Variants in RECK observed in about 807,000 individuals in gnomAD.
RECK encodes reversion-inducing cysteine-rich protein with Kazal motifs.
Under a neutral mutation model 115.1 loss-of-function variants are expected in RECK, and 69 were observed. The observed-to-expected ratio is 0.60, with a 90% CI of 0.49 to 0.73. The LOEUF is 0.73. Among genes scored for constraint, RECK ranks in the 30% least tolerant of loss-of-function variants. The pLI is 0.00. For missense variants in RECK, 1,047 were observed against 1,203.7 expected (o/e 0.87, Z 1.93); for synonymous variants, 414 against 419.7 (o/e 0.99, Z 0.17).
intron 2 of RECK, among the ~76,000 whole-genome samples, chr9:36,057,349 C>G (rs112127080): frequency 2.2e-3 from 333 of 152,258 alleles, no homozygotes; most frequent in Non-Finnish European, 3.8e-3. Flanking sequence ...TTCTCTCGCT[C>G]TCTAACCCCC....
intron 12 of RECK, among the ~76,000 whole-genome samples, chr9:36,102,649 C>G (rs925144400): frequency 1.3e-5 from 2 of 151,438 alleles, no homozygotes; most frequent in African/African-American, 4.9e-5. Context: ...ACTCACCCAA[C>G]AGGGTATAAA....
rs1193732839 is a variant in RECK at position 36,037,098 on chromosome 9, G to C, written c.100G>C (p.Gly34Arg). 1 of 1,327,296 alleles carries C rather than the reference G, an allele frequency of 7.5e-7. No individual in the cohort carries two copies. Among genetic ancestry groups the C allele is most frequent in the East Asian group, 3.1e-5 (1 of 31,958 alleles). 82.2% of individuals were successfully genotyped at this position (1,327,296 alleles called of 1,614,324 possible). A position where few individuals can be genotyped will look rare whatever the true frequency, so the allele number is the denominator to read the frequency against. Residue 34 changes from glycine to arginine, a missense_variant and splice_region_variant, in exon 1 of 21, where the codon GGT becomes CGT. Coordinates refer to ENST00000377966, the MANE Select transcript of RECK (RefSeq NM_021111.3). Reference protein sequence around the residue: ...VAGGLAPGSAGALCCNHSKDN... With the variant: ...VAGGLAPGSARALCCNHSKDN... ...AGGGGGCCTGGCTCCGGGCAGTGCG[G>C]GTGAGTAACCTCCAGAGCAACGGTT... is the stretch of plus-strand genomic sequence containing the variant.
At chr9:36,062,971 C>T (rs1564107468) in intron 4 of RECK, among the ~76,000 whole-genome samples, 1 of 151,812 alleles carries the variant, frequency 6.6e-6, no homozygotes, top group African/African-American at 2.4e-5. Context: ...CCCATCTCTA[C>T]TAAAAATACA....
Position 36,083,498 on chromosome 9 carries a change from T to A in RECK, c.573T>A (p.Ser191Arg). Residue 191 changes from serine (S) to arginine (R), a missense_variant, in exon 8 of 21, where the codon AGT becomes AGA. Physicochemically the swap from Ser to Arg is moderately radical, Grantham distance 110. Transcript: ENST00000377966. ...TGGAAAATTATTGCGCCTCTATTAG[T>A]CCACAATTAATACATTGTGTGAACA... ...KAVENYCASI[S>R]PQLIHCVNNY... 3.1e-6 allele frequency: 5 copies of A among 1,614,040 alleles called. No homozygotes were observed. The highest frequency in any genetic ancestry group is 4.2e-6 in the Non-Finnish European group (5 of 1,179,962).
chr9:36,121,384 G>A, intron 19 of RECK, 149 bp from the exon 20 acceptor site: 1 of 644,320 alleles, frequency 1.6e-6, no homozygotes, highest in Non-Finnish European at 2.6e-6. Context: ...TGGAGATTCA[G>A]AATTTGGCCT....
At chr9:36,098,476 T>C (rs994422384) in intron 10 of RECK, among the ~76,000 whole-genome samples, 4 of 152,204 alleles carry the variant, frequency 2.6e-5, no homozygotes, top group Admixed American at 2.6e-4. Context: ...ATTAAAAGAC[T>C]GGTAAGCATA....
intron 1 of RECK, among the ~76,000 whole-genome samples, chr9:36,038,217 A>G (rs1276900515): frequency 6.6e-6 from 1 of 151,948 alleles, no homozygotes; most frequent in South Asian, 2.1e-4. Context: ...CGAGGCTGAG[A>G]TACGAGGATT....
At chr9:36,108,907 T>C (rs1177889885) in intron 14 of RECK, among the ~76,000 whole-genome samples, 1 of 151,946 alleles carries the variant, frequency 6.6e-6, no homozygotes, top group Non-Finnish European at 1.5e-5. Context: ...CCCCACAAGC[T>C]CACTCTGCTA....
At chr9:36,069,480 C>CAAA (rs60192603) in intron 6 of RECK, among the ~76,000 whole-genome samples, 39 of 84,886 alleles carry the variant, frequency 4.6e-4, no homozygotes, top group African/African-American at 1.1e-3. Context: ...GTGGAGGTTG[C>CAAA]AAAAAAAAAA....
At chr9:36,107,955 A>T (rs1276706425) in intron 13 of RECK, 21 bp from the exon 14 acceptor site, 1 of 1,587,680 alleles carries the variant, frequency 6.3e-7, no homozygotes, top group Non-Finnish European at 8.6e-7. Context: ...CATCTCTCTC[A>T]GCTAATTTTT....
At chr9:36,039,247 C>G (rs1243969941) in intron 1 of RECK, among the ~76,000 whole-genome samples, 1 of 152,064 alleles carries the variant, frequency 6.6e-6, no homozygotes, top group Non-Finnish European at 1.5e-5. Context: ...TGCCTGGTTC[C>G]TTACTAAAGG....
rs763327350 is a variant in RECK at position 36,122,882 on chromosome 9, C to T, written c.2753C>T (p.Pro918Leu). The part of the protein sequence containing the change: ...KIESLINSDS[P>L]TLASHVPLSA... ...GAGTCCCTTATCAACTCTGACAGCC[C>T]GACTTTGGCGTCCCATGTCCCTCTC... The change falls in exon 21 of 21, where the codon CCG (proline) becomes CTG (leucine). Residue 918 changes from proline (P) to leucine (L), a missense_variant. Pro to Leu is a moderately conservative substitution (Grantham distance 98). Transcript: ENST00000377966. 12 of 1,614,036 alleles carry T rather than the reference C, an allele frequency of 7.4e-6. 1 individual carries two copies. The African/African-American group carries it at 8.0e-5, about 11-fold the overall frequency.
chr9:36,037,527 A>G lies in RECK; in HGVS notation c.100+429A>G, dbSNP rs139175005. Among the ~76,000 whole-genome samples the G allele has an allele frequency of 7.3e-3, 1,110 of 151,822 alleles. 13 individuals are homozygous for G. Among genetic ancestry groups the G allele is most frequent in the African/African-American group, 0.024 (989 of 41,368 alleles). On this transcript the variant is annotated intron_variant, in intron 1 of 20. Transcript: ENST00000377966. Reference sequence around the variant, plus strand: ...CTTGACCCGCACTTGGTTCATAACGACCTTGGTGGCGGTGAGCACTGACGG... The same window carrying G: ...CTTGACCCGCACTTGGTTCATAACGGCCTTGGTGGCGGTGAGCACTGACGG...
chr9:36,123,140 G>A lies in RECK; in HGVS notation c.*95G>A. On this transcript the variant is annotated 3_prime_UTR_variant, in exon 21 of 21. Coordinates refer to ENST00000377966, the MANE Select transcript of RECK (RefSeq NM_021111.3). ...TGGTTTGTAGTTGAATATTGGCCAA[G>A]GAAAGGCACATGTCACCTCTATTCG... The A allele has an allele frequency of 1.1e-6, 1 of 949,674 alleles. No individual in the cohort carries two copies. The highest frequency in any genetic ancestry group is 1.7e-5 in the South Asian group (1 of 58,216). 58.8% of individuals were successfully genotyped at this position (949,674 alleles called of 1,614,324 possible).
At chr9:36,062,160 C>CTTTTT (rs770648750) in intron 4 of RECK, among the ~76,000 whole-genome samples, 4 of 131,966 alleles carry the variant, frequency 3.0e-5, no homozygotes, top group Non-Finnish European at 3.2e-5. Flanking sequence ...GCATCTCCTA[C>CTTTTT]TTTTTTTTTT....
At chr9:36,066,433 A>G (rs1822001538) in intron 6 of RECK, among the ~76,000 whole-genome samples, 1 of 152,110 alleles carries the variant, frequency 6.6e-6, no homozygotes. Context: ...GAGAAGGTAG[A>G]ATAACTCTCT....
At chr9:36,099,814 A>G (rs1823495011) in intron 10 of RECK, among the ~76,000 whole-genome samples, 1 of 152,154 alleles carries the variant, frequency 6.6e-6, no homozygotes, top group South Asian at 2.1e-4. Flanking sequence ...CTATGGTGAT[A>G]TAAGTATAAA....
intron 10 of RECK, 145 bp from the exon 11 acceptor site, chr9:36,100,186 C>T: frequency 3.2e-6 from 2 of 625,656 alleles, no homozygotes; most frequent in Admixed American, 2.9e-5. Flanking sequence ...TTCATACAAT[C>T]GAAGCTGATA....
chr9:36,054,500 A>T (rs912228461), intron 2 of RECK, among the ~76,000 whole-genome samples: 5 of 26,126 alleles, frequency 1.9e-4, no homozygotes, highest in Non-Finnish European at 4.3e-4. Context: ...CCCTTAGTTT[A>T]AAAAAAAAAA....
Sources: gnomAD v4.1 joint callset for allele counts (sites outside exome capture counted in the v4.1 genomes callset) on GRCh38, gnomAD v4.1.1 for gene constraint, MANE v1.5 for transcripts, NCBI Gene and HGNC (gene_info 2026-07-23, HGNC 2026-07-21) for gene names.